PCCA: variants seen among roughly 807,000 people sequenced by gnomAD.
The protein encoded by PCCA is propionyl-CoA carboxylase alpha chain, mitochondrial.
In PCCA, 74 loss-of-function variants were observed where a neutral mutation model predicts 101.3. That is an observed-to-expected ratio of 0.73 (90% CI 0.61 to 0.89). The LOEUF is 0.89. Ranked by LOEUF, PCCA falls within the 40% of genes least tolerant of loss-of-function variation. The probability of loss-of-function intolerance (pLI) is 0.00; values close to 1 mark genes in which losing one functional copy is unlikely to be tolerated. For missense variants in PCCA, 891 were observed against 907.0 expected, an observed-to-expected ratio of 0.98 and a Z score of 0.23; for synonymous variants, 294 against 313.6, an observed-to-expected ratio of 0.94 and a Z score of 0.66.
At chr13:100,248,717 A>T (rs936562153) in intron 8 of PCCA, among the ~76,000 whole-genome samples, 1 of 152,044 alleles carries the variant, frequency 6.6e-6, no homozygotes, top group African/African-American at 2.4e-5. Flanking sequence ...TGGGTTTTGT[A>T]AATATTTTCT....
At chr13:100,106,277 G>C (rs192129688) in intron 2 of PCCA, among the ~76,000 whole-genome samples, 4 of 152,308 alleles carry the variant, frequency 2.6e-5, no homozygotes, top group Admixed American at 2.0e-4. Context: ...TGTGTGGACA[G>C]AGTTTGGTCT....
intron 4 of PCCA, among the ~76,000 whole-genome samples, chr13:100,138,954 A>AAAAAAAAAAAG (rs2051523918): frequency 7.5e-6 from 1 of 133,922 alleles, no homozygotes. Context: ...AAAAAAAAAA[A>AAAAAAAAAAAG]AAAGAAAGAA....
chr13:100,490,475 A>C (rs929584796), intron 21 of PCCA: 8 of 152,368 alleles, frequency 5.3e-5, no homozygotes, highest in East Asian at 1.9e-4. Flanking sequence ...ATGCACAGTT[A>C]GATAAATCTG....
At chr13:100,101,611 A>T (rs1244015717) in intron 1 of PCCA, among the ~76,000 whole-genome samples, 3 of 152,082 alleles carry the variant, frequency 2.0e-5, no homozygotes, top group South Asian at 2.1e-4. Context: ...TAATTAATTA[A>T]TTTTTTCTGA....
chr13:100,463,311 A>C (rs1291477332), intron 21 of PCCA, among the ~76,000 whole-genome samples: 1 of 149,834 alleles, frequency 6.7e-6, no homozygotes, highest in Non-Finnish European at 1.5e-5. Context: ...TAATCTCATC[A>C]GAGGTGGTTG....
intron 7 of PCCA, among the ~76,000 whole-genome samples, chr13:100,214,616 C>T (rs144885058): frequency 2.6e-5 from 4 of 151,932 alleles, no homozygotes; most frequent in East Asian, 1.9e-4. Flanking sequence ...TTAGTAGAGA[C>T]GGGGTTTTAC....
intron 20 of PCCA, among the ~76,000 whole-genome samples, chr13:100,445,951 A>T (rs2080795495): frequency 6.6e-6 from 1 of 152,160 alleles, no homozygotes; most frequent in Non-Finnish European, 1.5e-5. Flanking sequence ...TTGTTGGATC[A>T]TATGGTAGTT....
At chr13:100,201,898 G>T (rs886255926) in intron 6 of PCCA, among the ~76,000 whole-genome samples, 2 of 148,646 alleles carry the variant, frequency 1.3e-5, no homozygotes, top group Non-Finnish European at 3.0e-5. Context: ...ACCAAAAGCA[G>T]GGAGTGAATG....
At chr13:100,467,031 C>T (rs1254112224) in intron 21 of PCCA, among the ~76,000 whole-genome samples, 3 of 152,178 alleles carry the variant, frequency 2.0e-5, no homozygotes, top group Non-Finnish European at 4.4e-5. Flanking sequence ...GTATGTTTGT[C>T]ATTCTCATTG....
intron 6 of PCCA, among the ~76,000 whole-genome samples, chr13:100,198,914 ATTTTT>A (rs55731223): frequency 6.9e-6 from 1 of 143,942 alleles, no homozygotes. Flanking sequence ...GTACTTTACA[ATTTTT>A]TTTTTTTTTT....
chr13:100,506,233 T>C (rs949395333), intron 21 of PCCA, among the ~76,000 whole-genome samples: 1 of 152,034 alleles, frequency 6.6e-6, no homozygotes, highest in Admixed American at 6.6e-5. Flanking sequence ...GCATCGTGTG[T>C]TCTGTACACA....
At chr13:100,101,024 A>T (rs1051019510) in intron 1 of PCCA, among the ~76,000 whole-genome samples, 3 of 152,032 alleles carry the variant, frequency 2.0e-5, no homozygotes, top group African/African-American at 7.2e-5. Context: ...GCTGGTCTCG[A>T]ACTCCCAACC....
chr13:100,437,536 TTTG>T (rs1203550352), intron 20 of PCCA, among the ~76,000 whole-genome samples: 1 of 119,380 alleles, frequency 8.4e-6, no homozygotes, highest in Non-Finnish European at 1.7e-5. Flanking sequence ...TATTTGTTTA[TTTG>T]TTTTTTTTTT....
intron 12 of PCCA, among the ~76,000 whole-genome samples, chr13:100,298,660 CTCCCTCCCTCCCTCCTTCCTTCCT>C (rs1566890964): frequency 0.053 from 271 of 5,092 alleles, 55 homozygotes; most frequent in African/African-American, 0.1. Flanking sequence ...CCCTCCCTCC[CTCCCTCCCTCCCTCCTTCCTTCCT>C]TCCTTCCTTC....
intron 2 of PCCA, among the ~76,000 whole-genome samples, chr13:100,108,013 T>C (rs1002832306): frequency 1.3e-5 from 2 of 152,146 alleles, no homozygotes; most frequent in African/African-American, 4.8e-5. Flanking sequence ...TCAGAAGAGT[T>C]GGGCAAGTGA....
chr13:100,382,301 C>G (rs1211157565), intron 19 of PCCA, among the ~76,000 whole-genome samples: 3 of 152,174 alleles, frequency 2.0e-5, no homozygotes, highest in Non-Finnish European at 2.9e-5. Context: ...TCCGGTTACT[C>G]CATCAAGCTG....
chr13:100,272,066 C>T (rs1253609326), intron 11 of PCCA, among the ~76,000 whole-genome samples: 1 of 152,140 alleles, frequency 6.6e-6, no homozygotes, highest in East Asian at 1.9e-4. Context: ...TTCATAGAAG[C>T]AAAATCTGTG....
chr13:100,353,969 T>A (rs1779117518), intron 18 of PCCA, among the ~76,000 whole-genome samples: 2 of 150,800 alleles, frequency 1.3e-5, no homozygotes, highest in African/African-American at 4.9e-5. Context: ...AAAGAAGAAA[T>A]AAAGCTGGGT....
At position 100,344,192 on chromosome 13, in the gene PCCA, A is replaced by C. The variant is rs2071829586; in HGVS notation, c.1643+3933A>C. Among the ~76,000 whole-genome samples the C allele has an allele frequency of 2.0e-5, 3 of 152,250 alleles. No homozygotes were observed. The South Asian group carries it at 6.2e-4, about 32-fold the overall frequency. The stretch of plus-strand genomic sequence containing the variant: ...CTTGAAAGAGGTGGGAAGTATTATG[A>C]GAAGTGTTAAGATGATGGAAGATAC... On this transcript the variant is annotated intron_variant, in intron 18 of 23. Coordinates refer to ENST00000376285, the MANE Select transcript of PCCA (RefSeq NM_000282.4).
Sources: allele counts gnomAD v4.1 joint callset (sites outside exome capture counted in the v4.1 genomes callset), GRCh38; gene constraint gnomAD v4.1.1; transcripts MANE v1.5; gene names NCBI Gene and HGNC (gene_info 2026-07-23, HGNC 2026-07-21).